ALCAM: variants seen among roughly 807,000 people sequenced by gnomAD.
ALCAM encodes CD166 antigen.
ALCAM carries 30 observed loss-of-function variants against 70.9 expected under a neutral mutation model. The observed-to-expected ratio is 0.42, with a 90% CI of 0.32 to 0.57. ALCAM has a LOEUF of 0.57. Among genes scored for constraint, ALCAM ranks in the 20% least tolerant of loss-of-function variants. The pLI, the probability that ALCAM is intolerant of heterozygous loss-of-function variation, is 0.11. For synonymous variants in ALCAM, 249 were observed against 242.5 expected, an observed-to-expected ratio of 1.03 and a Z score of -0.25; for missense variants, 591 against 695.1, an observed-to-expected ratio of 0.85 and a Z score of 1.68.
chr3:105,444,938 T>G (rs1937259630), intron 1 of ALCAM, among the ~76,000 whole-genome samples: 1 of 152,196 alleles, frequency 6.6e-6, no homozygotes, highest in Non-Finnish European at 1.5e-5. Context: ...GTTTAATGAC[T>G]CATACATTCC....
At chr3:105,473,390 GA>G (rs755449042) in intron 1 of ALCAM, among the ~76,000 whole-genome samples, 1 of 151,448 alleles carries the variant, frequency 6.6e-6, no homozygotes, top group Non-Finnish European at 1.5e-5. Context: ...CTACCAGCAT[GA>G]TCTTACTTCC....
chr3:105,512,434 T>C (rs114414798), intron 1 of ALCAM, among the ~76,000 whole-genome samples: 2,993 of 152,022 alleles, frequency 0.02, 42 homozygotes, highest in Non-Finnish European at 0.028. Context: ...ATACAACTTA[T>C]GTGGTAAAAT....
chr3:105,406,248 T>C (rs1000130951), intron 1 of ALCAM, among the ~76,000 whole-genome samples: 2 of 152,156 alleles, frequency 1.3e-5, no homozygotes, highest in Non-Finnish European at 2.9e-5. Flanking sequence ...TGAGGAGTTC[T>C]TCAGACCCCC....
intron 1 of ALCAM, among the ~76,000 whole-genome samples, chr3:105,443,101 C>T (rs77346535): frequency 0.014 from 2,117 of 152,286 alleles, 41 homozygotes; most frequent in African/African-American, 0.038. Flanking sequence ...CTGGGGATTA[C>T]AGCCATAAGC....
intron 1 of ALCAM, among the ~76,000 whole-genome samples, chr3:105,507,323 T>C (rs543024879): frequency 4.6e-5 from 7 of 152,328 alleles, no homozygotes; most frequent in African/African-American, 1.4e-4. Context: ...TGTTGTGTTG[T>C]ACATTTTATG....
intron 1 of ALCAM, among the ~76,000 whole-genome samples, chr3:105,381,625 A>G (rs1935522887): frequency 6.6e-6 from 1 of 151,952 alleles, no homozygotes; most frequent in Non-Finnish European, 1.5e-5. Context: ...CCTATAGTTT[A>G]CAGTGTCTAA....
intron 1 of ALCAM, among the ~76,000 whole-genome samples, chr3:105,421,234 C>T (rs1351508426): frequency 6.6e-6 from 1 of 151,300 alleles, no homozygotes; most frequent in Admixed American, 6.6e-5. Flanking sequence ...TTAATAATCA[C>T]CACCAATTGT....
chr3:105,563,667 C>CCTTTTTTTTTTTTT (rs1940677953), intron 14 of ALCAM, among the ~76,000 whole-genome samples: 1 of 52,034 alleles, frequency 1.9e-5, no homozygotes, highest in Non-Finnish European at 3.0e-5. Context: ...CCAAGCATTT[C>CCTTTTTTTTTTTTT]TTTTTTTTTT....
intron 1 of ALCAM, among the ~76,000 whole-genome samples, chr3:105,386,820 A>T (rs1935670362): frequency 6.6e-6 from 1 of 151,530 alleles, no homozygotes; most frequent in Non-Finnish European, 1.5e-5. Context: ...GAATGACCAG[A>T]TAACTAGTAT....
chr3:105,369,361 G>C (rs1223934653), intron 1 of ALCAM, among the ~76,000 whole-genome samples: 1 of 152,158 alleles, frequency 6.6e-6, no homozygotes, highest in Non-Finnish European at 1.5e-5. Context: ...GTGTCCAGGG[G>C]GCACCGAGCT....
chr3:105,415,627 C>T (rs1023078347), intron 1 of ALCAM, among the ~76,000 whole-genome samples: 8 of 151,966 alleles, frequency 5.3e-5, no homozygotes, highest in Non-Finnish European at 1.0e-4. Flanking sequence ...TTTTTTGAAT[C>T]GATAACCTTT....
chr3:105,425,215 TGTGA>T (rs1380593949), intron 1 of ALCAM, among the ~76,000 whole-genome samples: 1 of 151,844 alleles, frequency 6.6e-6, no homozygotes, highest in Non-Finnish European at 1.5e-5. Flanking sequence ...TTAGCATAAG[TGTGA>T]GTCTCTATGA....
chr3:105,533,733 C>G, intron 5 of ALCAM, 43 bp downstream of exon 5: 1 of 1,554,680 alleles, frequency 6.4e-7, no homozygotes, highest in Non-Finnish European at 8.9e-7. Flanking sequence ...TTCAGAGGAC[C>G]TGTTCTGACT....
chr3:105,403,749 C>A (rs142049858), intron 1 of ALCAM, among the ~76,000 whole-genome samples: 1 of 151,532 alleles, frequency 6.6e-6, no homozygotes, highest in Non-Finnish European at 1.5e-5. Flanking sequence ...CTCTGAATTG[C>A]CAGAAAAAGA....
At chr3:105,520,264 C>A in intron 2 of ALCAM, 97 bp downstream of exon 2, 6 of 829,576 alleles carry the variant, frequency 7.2e-6, no homozygotes, top group South Asian at 3.2e-5. Flanking sequence ...AACCTAAATG[C>A]AATATTAAAC....
intron 14 of ALCAM, among the ~76,000 whole-genome samples, chr3:105,567,928 A>G (rs1319194763): frequency 2.6e-5 from 4 of 152,094 alleles, no homozygotes; most frequent in Non-Finnish European, 4.4e-5. Context: ...CTAGCAGACA[A>G]TTAGATTACT....
chr3:105,539,572 C>T (rs974834125), intron 6 of ALCAM, among the ~76,000 whole-genome samples: 2 of 152,018 alleles, frequency 1.3e-5, no homozygotes, highest in East Asian at 3.9e-4. Context: ...AGTACAGTGG[C>T]ATCTAATAGC....
intron 1 of ALCAM, among the ~76,000 whole-genome samples, chr3:105,482,599 A>G (rs955989014): frequency 1.3e-5 from 2 of 152,174 alleles, no homozygotes; most frequent in Admixed American, 1.3e-4. Context: ...ATGATACCAC[A>G]TGTCTGAGAC....
At chr3:105,370,293 CAA>C (rs1491174925) in intron 1 of ALCAM, among the ~76,000 whole-genome samples, 2 of 152,130 alleles carry the variant, frequency 1.3e-5, no homozygotes, top group Non-Finnish European at 2.9e-5. Flanking sequence ...GTTTAACAGC[CAA>C]TATATATATA....
Sources: gnomAD v4.1 joint callset for allele counts (sites outside exome capture counted in the v4.1 genomes callset) on GRCh38, gnomAD v4.1.1 for gene constraint, MANE v1.5 for transcripts, NCBI Gene and HGNC (gene_info 2026-07-23, HGNC 2026-07-21) for gene names.